The following TMEM135 variants were observed in gnomAD, a reference collection of about 807,000 sequenced individuals.
The protein encoded by TMEM135 is transmembrane protein 135, also known as peroxisomal membrane protein 52.
Under a neutral mutation model 60.3 loss-of-function variants are expected in TMEM135, and 30 were observed. The ratio of observed to expected loss-of-function variants is 0.50; its 90% CI spans 0.37 to 0.68. TMEM135 has a LOEUF of 0.68. Among genes scored for constraint, TMEM135 ranks in the 30% least tolerant of loss-of-function variants. The pLI is 0.00. For synonymous variants in TMEM135, 190 were observed against 186.7 expected, an observed-to-expected ratio of 1.02 and a Z score of -0.14; for missense variants, 468 against 548.8, an observed-to-expected ratio of 0.85 and a Z score of 1.47.
chr11:87,268,455 C>T (rs891005050), intron 6 of TMEM135, among the ~76,000 whole-genome samples: 1 of 151,840 alleles, frequency 6.6e-6, no homozygotes, highest in African/African-American at 2.4e-5. Context: ...TGAATATTTA[C>T]ATGTCTTACT....
At chr11:87,274,522 ATCT>A (rs987773867) in intron 6 of TMEM135, among the ~76,000 whole-genome samples, 1 of 152,192 alleles carries the variant, frequency 6.6e-6, no homozygotes, top group Non-Finnish European at 1.5e-5. Context: ...TATGCTAAAT[ATCT>A]TCTTGTGCTT....
chr11:87,072,701 T>G (rs1166046429), intron 3 of TMEM135, among the ~76,000 whole-genome samples: 1 of 152,112 alleles, frequency 6.6e-6, no homozygotes, highest in Non-Finnish European at 1.5e-5. Flanking sequence ...TAAGACATCT[T>G]GTATTTAAAA....
intron 6 of TMEM135, chr11:87,258,719 G>C (rs525949): frequency 0.23 from 90,205 of 388,058 alleles, 11,473 homozygotes; most frequent in East Asian, 0.33. Flanking sequence ...AATGTGGGGA[G>C]ATTTCTTCCC....
chr11:87,202,804 G>A (rs1223517657), intron 5 of TMEM135, among the ~76,000 whole-genome samples: 4 of 150,526 alleles, frequency 2.7e-5, no homozygotes, highest in Middle Eastern at 7.1e-3. Flanking sequence ...AGGCCGAGGC[G>A]GGCGGATCAT....
rs200969171 is a variant in TMEM135, at chr11:87,191,987, C to CTTTTTTT, written c.462+34593_462+34599dup. On this transcript the variant is annotated intron_variant, in intron 5 of 14. Coordinates refer to ENST00000305494, the MANE Select transcript of TMEM135 (RefSeq NM_022918.4). ...TCTTTTGTTTCTTTTCTTTTCTTTT[C>CTTTTTTT]TTTTTTTTTTTTTTTTTTCGAGATG... Among the ~76,000 whole-genome samples, 540 of 77,114 alleles carry CTTTTTTT rather than the reference C, an allele frequency of 7.0e-3. 4 individuals are homozygous for CTTTTTTT. The highest frequency in any genetic ancestry group is 0.018 in the East Asian group (47 of 2,666). 50.6% of individuals were successfully genotyped at this position (77,114 alleles called of 152,430 possible).
chr11:87,253,517 T>A (rs1385767891), intron 6 of TMEM135, among the ~76,000 whole-genome samples: 2 of 151,970 alleles, frequency 1.3e-5, no homozygotes, highest in East Asian at 3.9e-4. Context: ...ACACCACTAA[T>A]ATGTTATTCA....
At chr11:87,271,543 T>C (rs188348492) in intron 6 of TMEM135, among the ~76,000 whole-genome samples, 2 of 129,178 alleles carry the variant, frequency 1.5e-5, no homozygotes, top group Admixed American at 1.7e-4. Flanking sequence ...TTCAAAGACT[T>C]GGTATGGATA....
chr11:87,256,356 A>T (rs910537256), intron 6 of TMEM135, among the ~76,000 whole-genome samples: 1 of 152,238 alleles, frequency 6.6e-6, no homozygotes, highest in Non-Finnish European at 1.5e-5. Flanking sequence ...TTGGAATAAG[A>T]TATAATTTGC....
intron 5 of TMEM135, among the ~76,000 whole-genome samples, chr11:87,162,381 C>T (rs536140360): frequency 2.5e-4 from 38 of 152,252 alleles, no homozygotes; most frequent in African/African-American, 7.5e-4. Flanking sequence ...AGCCCTCCAA[C>T]GCCCGACAGG....
chr11:87,081,661 A>G (rs1370601657), intron 3 of TMEM135, among the ~76,000 whole-genome samples: 3 of 133,156 alleles, frequency 2.3e-5, no homozygotes. Flanking sequence ...TTTCTGTTTT[A>G]TTTTCACTTT....
At chr11:87,043,552 G>A (rs1390653613) in intron 1 of TMEM135, among the ~76,000 whole-genome samples, 10 of 151,660 alleles carry the variant, frequency 6.6e-5, no homozygotes, top group African/African-American at 9.7e-5. Context: ...GGTGAAACCC[G>A]TCTCTACTAA....
intron 4 of TMEM135, among the ~76,000 whole-genome samples, chr11:87,143,290 A>G (rs1308560426): frequency 2.0e-5 from 3 of 151,436 alleles, no homozygotes; most frequent in African/African-American, 7.3e-5. Flanking sequence ...AGCTATTTTG[A>G]CATCTTTGTT....
intron 4 of TMEM135, among the ~76,000 whole-genome samples, chr11:87,154,625 C>T (rs1388407209): frequency 6.6e-6 from 1 of 152,200 alleles, no homozygotes; most frequent in African/African-American, 2.4e-5. Context: ...TCTCCACATC[C>T]TTCTCAACAC....
chr11:87,317,847 A>G (rs1400339368), intron 12 of TMEM135, among the ~76,000 whole-genome samples: 1 of 152,174 alleles, frequency 6.6e-6, no homozygotes, highest in East Asian at 1.9e-4. Flanking sequence ...AAGAGAACAC[A>G]TGAGCACTGT....
intron 4 of TMEM135, among the ~76,000 whole-genome samples, chr11:87,131,443 A>T (rs1937928706): frequency 6.6e-6 from 1 of 151,978 alleles, no homozygotes; most frequent in African/African-American, 2.4e-5. Context: ...TCTGCTGGGG[A>T]TAGGGAATGT....
chr11:87,067,724 G>A lies in TMEM135; in HGVS notation c.172G>A (p.Asp58Asn). 1 of 1,613,852 alleles carries A rather than the reference G, an allele frequency of 6.2e-7. No individual in the cohort carries two copies. Among genetic ancestry groups the A allele is most frequent in the Non-Finnish European group, 8.5e-7 (1 of 1,179,890 alleles). The stretch of plus-strand genomic sequence containing the variant: ...AGCAATTCTCCGGAAACGGAAATTA[G>A]ACTATTATTTACACAAACTACTCCC... ...IAAILRKRKL[D>N]YYLHKLLPEI... The change falls in exon 2 of 15, where the codon GAC becomes AAC. Residue 58 changes from aspartate to asparagine, a missense_variant. By Grantham distance (23) the Asp-to-Asn change is conservative. Coordinates refer to ENST00000305494, the MANE Select transcript of TMEM135 (RefSeq NM_022918.4).
At chr11:87,119,572 G>A (rs1053232128) in intron 4 of TMEM135, among the ~76,000 whole-genome samples, 1 of 152,198 alleles carries the variant, frequency 6.6e-6, no homozygotes, top group African/African-American at 2.4e-5. Context: ...TGTTGGTGAT[G>A]CACGCCTGTA....
chr11:87,171,461 A>G (rs143372227), intron 5 of TMEM135, among the ~76,000 whole-genome samples: 22 of 152,148 alleles, frequency 1.4e-4, no homozygotes, highest in African/African-American at 3.6e-4. Context: ...CCAGTGTCCT[A>G]TGCTAAGCCA....
At chr11:87,191,987 C>CTTTTTTTTTTTTTTTT (rs200969171) in intron 5 of TMEM135, among the ~76,000 whole-genome samples, 16 of 77,174 alleles carry the variant, frequency 2.1e-4, no homozygotes, top group African/African-American at 3.5e-4. Flanking sequence ...CTTTTCTTTT[C>CTTTTTTTTTTTTTTTT]TTTTTTTTTT....
Sources: gnomAD v4.1 joint callset for allele counts (sites outside exome capture counted in the v4.1 genomes callset) on GRCh38, gnomAD v4.1.1 for gene constraint, MANE v1.5 for transcripts, NCBI Gene and HGNC (gene_info 2026-07-23, HGNC 2026-07-21) for gene names.